The following RIMS2 variants were observed in gnomAD, a reference collection of about 807,000 sequenced individuals.
The protein encoded by RIMS2 is regulating synaptic membrane exocytosis protein 2.
In RIMS2, 59 loss-of-function variants were observed where a neutral mutation model predicts 174.4. The ratio of observed to expected loss-of-function variants is 0.34; its 90% CI spans 0.27 to 0.42. The LOEUF (loss-of-function observed/expected upper bound fraction) is 0.42. Among genes scored for constraint, RIMS2 ranks in the 10% least tolerant of loss-of-function variants. The probability of loss-of-function intolerance (pLI) is 1.00; values close to 1 mark genes in which losing one functional copy is unlikely to be tolerated. For synonymous variants in RIMS2, 606 were observed against 572.5 expected, an observed-to-expected ratio of 1.06 and a Z score of -0.84; for missense variants, 1,620 against 1,666.3, an observed-to-expected ratio of 0.97 and a Z score of 0.48.
At chr8:103,765,038 A>C (rs890784049) in intron 2 of RIMS2, among the ~76,000 whole-genome samples, 1 of 152,178 alleles carries the variant, frequency 6.6e-6, no homozygotes, top group Non-Finnish European at 1.5e-5. Context: ...TTTTACAAAA[A>C]CATTTTTGTG....
At chr8:104,220,265 T>C (rs190572740) in intron 19 of RIMS2, among the ~76,000 whole-genome samples, 1 of 145,046 alleles carries the variant, frequency 6.9e-6, no homozygotes, top group African/African-American at 2.6e-5. Flanking sequence ...CATCTATATC[T>C]GTAAGATCCT....
intron 2 of RIMS2, among the ~76,000 whole-genome samples, chr8:103,765,131 G>T (rs2098155238): frequency 6.6e-6 from 1 of 152,148 alleles, no homozygotes; most frequent in African/African-American, 2.4e-5. Context: ...TTAGCAACCT[G>T]GAGAGCTGTG....
chr8:103,583,071 T>C (rs1303792979), intron 1 of RIMS2, among the ~76,000 whole-genome samples: 2 of 152,192 alleles, frequency 1.3e-5, no homozygotes, highest in Non-Finnish European at 2.9e-5. Context: ...CACCCTCAGC[T>C]TTAGGTGGCT....
chr8:103,602,914 C>T (rs1201121927), intron 1 of RIMS2, among the ~76,000 whole-genome samples: 1 of 152,200 alleles, frequency 6.6e-6, no homozygotes, highest in Admixed American at 6.5e-5. Flanking sequence ...AAATAATTTA[C>T]AGTCCCACCA....
chr8:104,136,697 A>C (rs1361567629), intron 19 of RIMS2, among the ~76,000 whole-genome samples: 4 of 152,188 alleles, frequency 2.6e-5, no homozygotes, highest in Non-Finnish European at 5.9e-5. Context: ...TAACACAGGA[A>C]CAGAAATTTA....
intron 1 of RIMS2, among the ~76,000 whole-genome samples, chr8:103,634,926 A>G (rs781395712): frequency 7.3e-5 from 11 of 151,672 alleles, no homozygotes; most frequent in Admixed American, 2.0e-4. Flanking sequence ...TATGTGTGAG[A>G]TGGGCCTCTT....
intron 4 of RIMS2, among the ~76,000 whole-genome samples, 199 bp downstream of exon 7, chr8:103,886,422 A>C (rs917271686): frequency 2.0e-5 from 3 of 151,942 alleles, no homozygotes; most frequent in Non-Finnish European, 4.4e-5. Flanking sequence ...CGACAGAATG[A>C]TGTTCTATTG....
At chr8:104,198,679 A>G (rs931607119) in intron 19 of RIMS2, among the ~76,000 whole-genome samples, 1 of 152,220 alleles carries the variant, frequency 6.6e-6, no homozygotes, top group Admixed American at 6.5e-5. Flanking sequence ...TGATTTTGGT[A>G]GGAATTTCTA....
At chr8:103,652,453 A>C (rs2096468303) in intron 1 of RIMS2, among the ~76,000 whole-genome samples, 171 bp from the exon 3 acceptor site, 1 of 152,164 alleles carries the variant, frequency 6.6e-6, no homozygotes. Flanking sequence ...GGACTAGTTA[A>C]GTGTTCAAAT....
chr8:104,212,238 G>T (rs1380558039), intron 19 of RIMS2, among the ~76,000 whole-genome samples: 1 of 152,150 alleles, frequency 6.6e-6, no homozygotes, highest in Non-Finnish European at 1.5e-5. Flanking sequence ...AACTGGAAAT[G>T]AAATTATATC....
intron 19 of RIMS2, among the ~76,000 whole-genome samples, chr8:104,117,594 G>A (rs76957569): frequency 0.01 from 1,538 of 151,846 alleles, 26 homozygotes; most frequent in African/African-American, 0.034. Context: ...CCCCTTCCTG[G>A]GCCTCCCAAA....
intron 1 of RIMS2, among the ~76,000 whole-genome samples, chr8:103,567,126 A>C (rs1053940250): frequency 6.6e-6 from 1 of 152,172 alleles, no homozygotes. Flanking sequence ...TAATGTTCTC[A>C]AGGGTCATTC....
At chr8:103,934,839 A>G (rs2080882089) in intron 12 of RIMS2, among the ~76,000 whole-genome samples, 1 of 151,960 alleles carries the variant, frequency 6.6e-6, no homozygotes, top group Admixed American at 6.6e-5. Flanking sequence ...CTGGGATTAC[A>G]GGCACCTGCC....
intron 19 of RIMS2, among the ~76,000 whole-genome samples, chr8:104,072,465 T>C (rs2097212048): frequency 6.6e-6 from 1 of 152,156 alleles, no homozygotes; most frequent in Admixed American, 6.6e-5. Flanking sequence ...ATGTAATCTA[T>C]CCAGGTCCAC....
intron 4 of RIMS2, among the ~76,000 whole-genome samples, chr8:103,887,091 A>G (rs1173369960): frequency 1.3e-5 from 2 of 151,822 alleles, no homozygotes. Context: ...TTCAGTCTCA[A>G]TTCACCAAAT....
chr8:103,712,746 C>G (rs1195720001), intron 2 of RIMS2, among the ~76,000 whole-genome samples: 1 of 152,080 alleles, frequency 6.6e-6, no homozygotes, highest in East Asian at 1.9e-4. Flanking sequence ...GGAAAGCAGG[C>G]AAGACATGTA....
chr8:104,125,566 TA>T (rs1346634106), intron 19 of RIMS2, among the ~76,000 whole-genome samples: 51 of 152,148 alleles, frequency 3.4e-4, no homozygotes, highest in Non-Finnish European at 5.0e-4. Context: ...CATAAAGCTT[TA>T]AAAGGATGCT....
intron 1 of RIMS2, among the ~76,000 whole-genome samples, chr8:103,589,953 A>G (rs930313329): frequency 4.0e-5 from 6 of 151,272 alleles, no homozygotes; most frequent in African/African-American, 1.5e-4. Flanking sequence ...TGGGGGCTCT[A>G]GGGGGAGGTG....
At chr8:104,012,064 AT>A (rs1369779857) in intron 17 of RIMS2, among the ~76,000 whole-genome samples, 6 of 151,912 alleles carry the variant, frequency 3.9e-5, no homozygotes, top group Non-Finnish European at 8.8e-5. Flanking sequence ...GTAATTAAAT[AT>A]TTTTTATATA....
Sources: gnomAD v4.1 joint callset for allele counts (sites outside exome capture counted in the v4.1 genomes callset) on GRCh38, gnomAD v4.1.1 for gene constraint, MANE v1.5 for transcripts, NCBI Gene and HGNC (gene_info 2026-07-23, HGNC 2026-07-21) for gene names.